The following ATP7B variants were observed in gnomAD, a reference collection of about 807,000 sequenced individuals.
The protein encoded by ATP7B is copper-transporting ATPase 2.
In ATP7B, 113 loss-of-function variants were observed where a neutral mutation model predicts 118.9. The ratio of observed to expected loss-of-function variants is 0.95; its 90% CI spans 0.82 to 1.11. The LOEUF (loss-of-function observed/expected upper bound fraction) is 1.11. ATP7B is among the 50% of genes most tolerant of loss of function. The pLI is 0.00. For missense variants in ATP7B, 1,867 were observed against 1,871.4 expected (o/e 1.00, Z 0.04); for synonymous variants, 777 against 727.4 (o/e 1.07, Z -1.10).
chr13:51,957,575 C>T lies in ATP7B; in HGVS notation c.2388G>A (p.Met796Ile). The T allele has an allele frequency of 6.2e-7, 1 of 1,614,176 alleles. No individual in the cohort carries two copies. Among genetic ancestry groups the T allele is most frequent in the South Asian group, 1.1e-5 (1 of 91,086 alleles). Residue 796 changes from methionine (M) to isoleucine (I), a missense_variant, in exon 9 of 21, where the codon ATG becomes ATA. Coordinates refer to ENST00000242839, the MANE Select transcript of ATP7B (RefSeq NM_000053.4). The stretch of plus-strand genomic sequence containing the variant: ...CGGTGGCTTCTGTGGCTTGGAGAGA[C>T]ATGAGTTTAGCCAGGGCTTCTGAGG... ...SKTSEALAKL[M>I]SLQATEATVV...
chr13:51,994,250 C>T (rs1953081905), intron 1 of ATP7B, among the ~76,000 whole-genome samples: 3 of 152,152 alleles, frequency 2.0e-5, no homozygotes, highest in Admixed American at 2.0e-4. Context: ...TGGCTTAATA[C>T]AGTTTAAAGA....
chr13:51,958,532 ACCCACC>A lies in ATP7B; in HGVS notation c.2128_2133del (p.Gly710_Gly711del), dbSNP rs776840533. On this transcript the variant is annotated inframe_deletion, in exon 8 of 21. Transcript: ENST00000242839. ...TTGTAGGCCTGAACGTAGAAGTACCACCCACCGAGGAGCTGAAAGACAAGGACAGTG... is the reference window on the plus strand; with the variant it reads ...TTGTAGGCCTGAACGTAGAAGTACCAGAGGAGCTGAAAGACAAGGACAGTG... The A allele has an allele frequency of 6.2e-7, 1 of 1,614,122 alleles. No individual in the cohort carries two copies. Among genetic ancestry groups the A allele is most frequent in the Non-Finnish European group, 8.5e-7 (1 of 1,179,992 alleles).
chr13:51,990,988 T>G (rs930858954), intron 1 of ATP7B, among the ~76,000 whole-genome samples: 2 of 152,056 alleles, frequency 1.3e-5, no homozygotes, highest in African/African-American at 2.4e-5. Flanking sequence ...TTCAGGAGCC[T>G]GAGGCAGAAG....
rs1320688188 is a variant in ATP7B at position 51,950,374 on chromosome 13, C to T, written c.2473G>A (p.Val825Met). Residue 825 changes from valine (V) to methionine (M), a missense_variant, in exon 10 of 21, where the codon GTG becomes ATG. Coordinates refer to ENST00000242839, the MANE Select transcript of ATP7B (RefSeq NM_000053.4). ...ACCTTGACGATATCGCCCCGCTGCA[C>T]CAGCTCCATGGGGACTTGCTCCTCC... ...IREEQVPMEL[V>M]QRGDIVKVVP... 8 of 1,614,180 alleles carry T rather than the reference C, an allele frequency of 5.0e-6. No individual in the cohort carries two copies. Among genetic ancestry groups the T allele is most frequent in the Non-Finnish European group, 5.9e-6 (7 of 1,180,036 alleles).
chr13:52,004,032 C>T (rs1315558628), intron 1 of ATP7B, among the ~76,000 whole-genome samples: 4 of 151,968 alleles, frequency 2.6e-5, no homozygotes, highest in Non-Finnish European at 4.4e-5. Context: ...CCGAGGGGGG[C>T]GGATTACCTG....
rs572355298 is a variant in ATP7B, at chr13:51,966,509, G to A, written c.1708-1476C>T. Among the ~76,000 whole-genome samples, 4 of 152,260 alleles carry A rather than the reference G, an allele frequency of 2.6e-5. No individual in the cohort carries two copies. The East Asian group carries it at 7.7e-4, about 29-fold the overall frequency. ...TCTTAAGTGTGACGTGCTATTCCTG[G>A]GATATGTATTAGGCAAATATGAAGC... On this transcript the variant is annotated intron_variant, in intron 4 of 20. Coordinates refer to ENST00000242839, the MANE Select transcript of ATP7B (RefSeq NM_000053.4).
At chr13:52,009,203 A>C (rs1400550932) in intron 1 of ATP7B, among the ~76,000 whole-genome samples, 1 of 152,200 alleles carries the variant, frequency 6.6e-6, no homozygotes, top group African/African-American at 2.4e-5. Flanking sequence ...GACTTATTGG[A>C]AATATTTTGA....
intron 1 of ATP7B, among the ~76,000 whole-genome samples, chr13:52,004,460 T>C (rs942391877): frequency 5.9e-5 from 9 of 152,214 alleles, no homozygotes; most frequent in Non-Finnish European, 1.0e-4. Flanking sequence ...CAGGTTCCTA[T>C]GTAAGCAAAC....
At chr13:51,972,031 G>A (rs1006735257) in intron 2 of ATP7B, among the ~76,000 whole-genome samples, 15 of 152,224 alleles carry the variant, frequency 9.9e-5, no homozygotes, top group African/African-American at 3.6e-4. Context: ...ACACGCACGG[G>A]CAGGGCCCAT....
intron 4 of ATP7B, among the ~76,000 whole-genome samples, chr13:51,967,437 G>C (rs1215997372): frequency 6.6e-6 from 1 of 152,112 alleles, no homozygotes; most frequent in Non-Finnish European, 1.5e-5. Flanking sequence ...TTTCCACATA[G>C]AAGTCTGAGC....
Position 51,933,129 on chromosome 13 carries a change from A to G in ATP7B, c.*1627T>C, listed in dbSNP as rs1391875773. ...AGTGCATTCTGAGTTGAAACAATGA[A>G]TAGATCACCTGGTAGATTTGTTCTT... On this transcript the variant is annotated 3_prime_UTR_variant, in exon 21 of 21. Transcript: ENST00000242839. 1 of 152,214 alleles carries G rather than the reference A, an allele frequency of 6.6e-6. No individual in the cohort carries two copies. The highest frequency in any genetic ancestry group is 1.5e-5 in the Non-Finnish European group (1 of 68,036). 9.4% of individuals were successfully genotyped at this position (152,214 alleles called of 1,614,324 possible).
intron 20 of ATP7B, among the ~76,000 whole-genome samples, 158 bp from the exon 21 acceptor site, chr13:51,935,187 C>T (rs1461355722): frequency 6.6e-6 from 1 of 152,156 alleles, no homozygotes; most frequent in Non-Finnish European, 1.5e-5. Flanking sequence ...CCTATGGTTC[C>T]AGGAAAGCTC....
chr13:51,975,375 A>C (rs1337496865), intron 1 of ATP7B: 1 of 761,300 alleles, frequency 1.3e-6, no homozygotes, highest in Non-Finnish European at 2.3e-6. Context: ...GACAGAAGCT[A>C]ACTGTCTGTC....
At chr13:51,956,462 G>A (rs1958355149) in intron 9 of ATP7B, among the ~76,000 whole-genome samples, 1 of 152,218 alleles carries the variant, frequency 6.6e-6, no homozygotes. Context: ...CATGACATCG[G>A]AGGATAAGAA....
At chr13:51,979,116 A>T (rs919203239) in intron 1 of ATP7B, 1 of 152,148 alleles carries the variant, frequency 6.6e-6, no homozygotes, top group Non-Finnish European at 1.5e-5. Flanking sequence ...AACACATTTC[A>T]AAGTGCAAGC....
Position 51,954,513 on chromosome 13 carries a change from C to T in ATP7B, c.2447+3003G>A, listed in dbSNP as rs910989717. 3.9e-5 allele frequency among the ~76,000 whole-genome samples: 6 copies of T among 152,310 alleles called. No individual in the cohort carries two copies. In the South Asian group the frequency reaches 6.2e-4, roughly 16 times the overall value. ...TGCAAGCAGTATGAAGAGACAGCTG[C>T]GGTGTTTTAGGGGCAAGGCCACAGT... On this transcript the variant is annotated intron_variant, in intron 9 of 20. Coordinates refer to ENST00000242839, the MANE Select transcript of ATP7B (RefSeq NM_000053.4).
At chr13:52,009,527 T>C (rs911207835) in intron 1 of ATP7B, among the ~76,000 whole-genome samples, 2 of 152,184 alleles carry the variant, frequency 1.3e-5, no homozygotes, top group African/African-American at 4.8e-5. Context: ...TTCTGTAACC[T>C]CAGGATAGTA....
At chr13:51,957,881 T>G in intron 8 of ATP7B, 1 of 495,552 alleles carries the variant, frequency 2.0e-6, no homozygotes, top group Non-Finnish European at 3.7e-6. Flanking sequence ...CCATTTTCTT[T>G]TAGGTTCAAT....
rs750657137 is a variant in ATP7B, at chr13:51,974,797, C to T, written c.423G>A (p.Gln141=). The change falls in exon 2 of 21, where the codon CAG becomes CAA. Residue 141 remains glutamine, a synonymous_variant. Coordinates refer to ENST00000242839, the MANE Select transcript of ATP7B (RefSeq NM_000053.4). The part of the protein sequence containing the change: ...ASWPSRSLPA[Q]EAVVKLRVEG... Reference sequence around the variant, plus strand: ...CCACCCGGAGCTTGACCACAGCCTCCTGGGCAGGCAAGGACCTTGAGGGCC... The same window carrying T: ...CCACCCGGAGCTTGACCACAGCCTCTTGGGCAGGCAAGGACCTTGAGGGCC... The T allele has an allele frequency of 2.5e-6, 4 of 1,614,214 alleles. No individual in the cohort carries two copies. Among genetic ancestry groups the T allele is most frequent in the Middle Eastern group, 1.6e-4 (1 of 6,062 alleles).
Sources: allele counts gnomAD v4.1 joint callset (sites outside exome capture counted in the v4.1 genomes callset), GRCh38; gene constraint gnomAD v4.1.1; transcripts MANE v1.5; gene names NCBI Gene and HGNC (gene_info 2026-07-23, HGNC 2026-07-21).